MAP7D2: variants seen among roughly 807,000 people sequenced by gnomAD.
MAP7D2 encodes the protein MAP7 domain-containing protein 2.
MAP7D2 carries 33 observed loss-of-function variants against 63.5 expected under a neutral mutation model. That is an observed-to-expected ratio of 0.52 (90% CI 0.39 to 0.70). MAP7D2 has a LOEUF of 0.70. MAP7D2 is among the 30% of genes least tolerant of loss of function. MAP7D2 has a pLI of 0.00. For missense variants in MAP7D2, 626 were observed against 604.0 expected (o/e 1.04, Z -0.38); for synonymous variants, 224 against 223.7 (o/e 1.00, Z -0.01).
intron 6 of MAP7D2, among the ~76,000 whole-genome samples, chrX:20,048,706 G>A (rs1010283882): frequency 1.2e-4 from 13 of 109,829 alleles, no homozygotes; most frequent in African/African-American, 1.0e-4. Context: ...TAGATGGGTC[G>A]CGCTTGAGCC....
intron 1 of MAP7D2, among the ~76,000 whole-genome samples, chrX:20,071,209 T>G (rs1442058106): frequency 1.8e-5 from 2 of 112,290 alleles, no homozygotes; most frequent in Non-Finnish European, 3.8e-5. Context: ...TTGGTTGCAC[T>G]GTGATGATCT....
chrX:20,090,971 A>G (rs1456892860), intron 1 of MAP7D2, among the ~76,000 whole-genome samples: 2 of 109,227 alleles, frequency 1.8e-5, no homozygotes, highest in African/African-American at 6.7e-5. Flanking sequence ...CTCATCTTAG[A>G]CAAAAAAAAA....
chrX:20,082,850 G>A (rs930653295), intron 1 of MAP7D2, among the ~76,000 whole-genome samples: 3 of 111,462 alleles, frequency 2.7e-5, no homozygotes, highest in South Asian at 3.7e-4. Flanking sequence ...GACTGGTCTC[G>A]AACTCCTGAC....
intron 2 of MAP7D2, 144 bp from the exon 3 acceptor site, chrX:20,063,721 T>A: frequency 3.3e-6 from 2 of 601,156 alleles, no homozygotes; most frequent in Non-Finnish European, 2.5e-6. Context: ...TAAAGGGTTC[T>A]GGTACCTCTG....
At chrX:20,071,273 C>T (rs1490100084) in intron 1 of MAP7D2, among the ~76,000 whole-genome samples, 4 of 112,343 alleles carry the variant, frequency 3.6e-5, no homozygotes, top group Non-Finnish European at 5.6e-5. Context: ...AATGGAATCA[C>T]CTGGAGAGCT....
chrX:20,061,118 C>CAAAAAAAA, intron 3 of MAP7D2, among the ~76,000 whole-genome samples: 1 of 34,877 alleles, frequency 2.9e-5, no homozygotes, highest in Non-Finnish European at 5.2e-5. Context: ...AGAACATGAC[C>CAAAAAAAA]AAAAAAAAAA....
intron 1 of MAP7D2, among the ~76,000 whole-genome samples, chrX:20,085,028 G>A (rs780509257): frequency 8.9e-6 from 1 of 111,927 alleles, no homozygotes; most frequent in East Asian, 2.8e-4. Context: ...TCACAATCTG[G>A]AGTGGGAAGG....
At chrX:20,063,240 T>C (rs1356824976) in intron 3 of MAP7D2, among the ~76,000 whole-genome samples, 174 bp downstream of exon 3, 3 of 112,107 alleles carry the variant, frequency 2.7e-5, no homozygotes, top group East Asian at 5.6e-4. Context: ...TGCGGTTCTA[T>C]GTCAGTGCTG....
intron 1 of MAP7D2, among the ~76,000 whole-genome samples, chrX:20,080,615 C>A (rs769214952): frequency 2.7e-5 from 3 of 110,546 alleles, no homozygotes; most frequent in East Asian, 2.9e-4. Flanking sequence ...ATCATGCAGA[C>A]AAAATGACCC....
chrX:20,042,637 G>A lies in MAP7D2; in HGVS notation c.880-8C>T, dbSNP rs780329293. ...CCGCTTCACCTTCTCCACCTGTAGG[G>A]GACACAGGATAGCCACAGTCCATGA... On this transcript the variant is annotated splice_region_variant and splice_polypyrimidine_tract_variant and intron_variant, in intron 7 of 16. Transcript: ENST00000379643. The A allele has an allele frequency of 5.0e-6, 6 of 1,210,545 alleles. No individual in the cohort carries two copies. Among genetic ancestry groups the A allele is most frequent in the Non-Finnish European group, 6.7e-6 (6 of 894,892 alleles).
chrX:20,030,220 T>C (rs1268907841), intron 8 of MAP7D2, among the ~76,000 whole-genome samples: 1 of 112,247 alleles, frequency 8.9e-6, no homozygotes, highest in Non-Finnish European at 1.9e-5. Context: ...AGGAAATTGC[T>C]ATTAACCATA....
intron 1 of MAP7D2, among the ~76,000 whole-genome samples, chrX:20,073,633 C>G (rs1312726052): frequency 9.4e-6 from 1 of 106,448 alleles, no homozygotes; most frequent in Non-Finnish European, 1.9e-5. Context: ...AGGTTCACAC[C>G]ATTCTCCTGC....
chrX:20,073,571 C>G (rs1161430931), intron 1 of MAP7D2, among the ~76,000 whole-genome samples: 1 of 103,408 alleles, frequency 9.7e-6, no homozygotes, highest in African/African-American at 3.5e-5. Flanking sequence ...GCTCTGTCAC[C>G]CAGGCTGGAG....
chrX:20,064,858 G>A, intron 1 of MAP7D2, 53 bp from the exon 2 acceptor site: 1 of 1,073,115 alleles, frequency 9.3e-7, no homozygotes, highest in Non-Finnish European at 1.3e-6. Context: ...TTCCCTATCT[G>A]CTAAGTACTA....
intron 6 of MAP7D2, among the ~76,000 whole-genome samples, chrX:20,050,421 T>C (rs1218543536): frequency 8.9e-6 from 1 of 112,179 alleles, no homozygotes; most frequent in Admixed American, 9.4e-5. Context: ...AATAGCTCCA[T>C]CTTATAGATG....
chrX:20,076,786 A>G lies in MAP7D2; in HGVS notation c.131-11981T>C, dbSNP rs938370470. Among the ~76,000 whole-genome samples, 3 of 112,484 alleles carry G rather than the reference A, an allele frequency of 2.7e-5. No individual in the cohort carries two copies. The East Asian group carries it at 8.3e-4, about 31-fold the overall frequency. ...AAATAGGGAACTACTTTAAGACTAT[A>G]TACAAATCTACGCCGTTAATAGATT... is the stretch of plus-strand genomic sequence containing the variant. On this transcript the variant is annotated intron_variant, in intron 1 of 16. Coordinates refer to ENST00000379643, the MANE Select transcript of MAP7D2 (RefSeq NM_001168465.2).
chrX:20,111,127 C>T lies in MAP7D2; in HGVS notation c.130+5623G>A, dbSNP rs201598028. ...CAATGAGAGACCATCTTGGACATTT[C>T]GAGCCCAACTGAGCTCCCAGCAGAC... On this transcript the variant is annotated intron_variant, in intron 1 of 16. Coordinates refer to ENST00000379643, the MANE Select transcript of MAP7D2 (RefSeq NM_001168465.2). Among the ~76,000 whole-genome samples, 12 of 111,613 alleles carry T rather than the reference C, an allele frequency of 1.1e-4. No homozygotes were observed. The East Asian group carries it at 3.4e-3, about 31-fold the overall frequency.
At chrX:20,043,252 T>C (rs1276339407) in intron 7 of MAP7D2, among the ~76,000 whole-genome samples, 1 of 112,453 alleles carries the variant, frequency 8.9e-6, no homozygotes, top group East Asian at 2.8e-4. Flanking sequence ...GTCTAAAACA[T>C]GCACTTCTAA....
chrX:20,090,109 G>A (rs2066025767), intron 1 of MAP7D2, among the ~76,000 whole-genome samples: 2 of 111,707 alleles, frequency 1.8e-5, no homozygotes, highest in South Asian at 3.7e-4. Flanking sequence ...ACGACTTCCA[G>A]AACTATTTTT....
Sources: allele counts gnomAD v4.1 joint callset (sites outside exome capture counted in the v4.1 genomes callset), GRCh38; gene constraint gnomAD v4.1.1; transcripts MANE v1.5; gene names NCBI Gene and HGNC (gene_info 2026-07-23, HGNC 2026-07-21).